Variants in FHIT observed in about 807,000 individuals in gnomAD.
FHIT encodes bis(5'-adenosyl)-triphosphatase.
In FHIT, 19 loss-of-function variants were observed where a neutral mutation model predicts 17.9. The observed-to-expected ratio is 1.06, with a 90% CI of 0.74 to 1.56. The LOEUF (loss-of-function observed/expected upper bound fraction) is 1.56, where lower values mean the gene tolerates loss of function less well. Among genes scored for constraint, FHIT ranks in the 40% most tolerant of loss-of-function variants. FHIT has a pLI of 0.00. For missense variants in FHIT, 248 were observed against 189.2 expected (o/e 1.31, Z -1.82); for synonymous variants, 81 against 69.7 (o/e 1.16, Z -0.81).
intron 2 of FHIT, among the ~76,000 whole-genome samples, chr3:61,152,908 C>A (rs2037434469): frequency 6.6e-6 from 1 of 151,998 alleles, no homozygotes; most frequent in African/African-American, 2.4e-5. Flanking sequence ...CTTTGGGAGG[C>A]TGAGATGGGA....
chr3:60,432,062 G>A (rs184822441), intron 5 of FHIT, among the ~76,000 whole-genome samples: 41 of 152,036 alleles, frequency 2.7e-4, no homozygotes, highest in East Asian at 9.7e-4. Context: ...TGCAACCTCC[G>A]CCTCCCAGAC....
rs577550436 is a variant in FHIT at position 60,054,977 on chromosome 3, T to C, written c.104-40825A>G. Among the ~76,000 whole-genome samples the C allele has an allele frequency of 2.6e-5, 4 of 152,328 alleles. No homozygotes were observed. In the East Asian group the frequency reaches 7.7e-4, roughly 29 times the overall value. On this transcript the variant is annotated intron_variant, in intron 5 of 9. Coordinates refer to ENST00000492590, the MANE Select transcript of FHIT (RefSeq NM_002012.4). ...GCTGTATACTCCAAACTCCCACTGA[T>C]CTGTGTGTGGGTTGCGTGTTTGTCT... is the stretch of plus-strand genomic sequence containing the variant.
chr3:59,811,594 A>G (rs1700407788), intron 8 of FHIT, among the ~76,000 whole-genome samples: 1 of 152,192 alleles, frequency 6.6e-6, no homozygotes, highest in Admixed American at 6.5e-5. Context: ...AAAGAAAGAA[A>G]GGAAGGAAGA....
At chr3:59,987,259 C>G (rs1466349121) in intron 7 of FHIT, among the ~76,000 whole-genome samples, 1 of 151,018 alleles carries the variant, frequency 6.6e-6, no homozygotes, top group Non-Finnish European at 1.5e-5. Context: ...AAGTTTTCAT[C>G]ATACTAGCTA....
At chr3:61,188,558 G>C (rs1370192172) in intron 2 of FHIT, among the ~76,000 whole-genome samples, 2 of 152,074 alleles carry the variant, frequency 1.3e-5, no homozygotes, top group Non-Finnish European at 1.5e-5. Context: ...TAGAAAAAGA[G>C]GGAATCCTCC....
At chr3:61,132,726 G>A (rs760575721) in intron 2 of FHIT, among the ~76,000 whole-genome samples, 10 of 152,202 alleles carry the variant, frequency 6.6e-5, no homozygotes, top group Non-Finnish European at 1.0e-4. Flanking sequence ...GGTTAAGAGT[G>A]CAGAAGATGA....
intron 5 of FHIT, among the ~76,000 whole-genome samples, chr3:60,363,471 C>CT (rs1699985151): frequency 6.6e-6 from 1 of 152,136 alleles, no homozygotes; most frequent in South Asian, 2.1e-4. Flanking sequence ...GTATTAATTG[C>CT]TTTATATGGA....
At chr3:60,394,365 C>T (rs1701351239) in intron 5 of FHIT, among the ~76,000 whole-genome samples, 1 of 152,162 alleles carries the variant, frequency 6.6e-6, no homozygotes, top group Non-Finnish European at 1.5e-5. Context: ...GCATGCCCTG[C>T]CTCTCCTTAC....
In FHIT at chr3:60,605,652, C is replaced by T. The variant is rs571396423; in HGVS notation, c.-17-68673G>A. 2.0e-5 allele frequency among the ~76,000 whole-genome samples: 3 copies of T among 152,292 alleles called. No homozygotes were observed. In the East Asian group the frequency reaches 5.8e-4, roughly 29 times the overall value. On this transcript the variant is annotated intron_variant, in intron 4 of 9. Transcript: ENST00000492590. ...CAATTAAACACAAGGTCCTTGCATC[C>T]AGGAGTTCTTCTCAATCCAGTAATG...
chr3:59,752,258 CTGCTGCCATTTCCTCCTCT>C lies in FHIT; in HGVS notation c.393_411del (p.Glu132LysfsTer41), dbSNP rs753901198. On this transcript the variant is annotated frameshift_variant, in exon 9 of 10. Transcript: ENST00000492590. LOFTEE classifies it high-confidence loss of function. ...AAGTAGACCCGCAGAGCTGCGGCTT[CTGCTGCCATTTCCTCCTCT>C]GATCTCCAAGAGGCAGGAAAGTCCT... is the stretch of plus-strand genomic sequence containing the variant. 1 of 1,613,158 alleles carries C rather than the reference CTGCTGCCATTTCCTCCTCT, an allele frequency of 6.2e-7. No homozygotes were observed.
chr3:61,153,007 G>A (rs1482550469), intron 2 of FHIT, among the ~76,000 whole-genome samples: 5 of 152,084 alleles, frequency 3.3e-5, no homozygotes, highest in Admixed American at 3.3e-4. Context: ...GCCGGGCGTG[G>A]TGACACGCAC....
At chr3:60,071,775 G>A (rs1702782383) in intron 5 of FHIT, among the ~76,000 whole-genome samples, 1 of 152,310 alleles carries the variant, frequency 6.6e-6, no homozygotes, top group South Asian at 2.1e-4. Flanking sequence ...ATTCCCGTAT[G>A]TTATGAGATG....
chr3:60,443,587 A>C (rs574624711), intron 5 of FHIT, among the ~76,000 whole-genome samples: 1 of 152,182 alleles, frequency 6.6e-6, no homozygotes, highest in African/African-American at 2.4e-5. Flanking sequence ...ATTGATTTGC[A>C]TATGTTGAAC....
intron 5 of FHIT, among the ~76,000 whole-genome samples, chr3:60,425,310 A>G (rs539506512): frequency 1.5e-4 from 23 of 152,262 alleles, no homozygotes; most frequent in African/African-American, 5.3e-4. Flanking sequence ...TACAAAGACA[A>G]AAATTAAAAA....
At chr3:60,079,079 C>G (rs1261060514) in intron 5 of FHIT, among the ~76,000 whole-genome samples, 1 of 152,048 alleles carries the variant, frequency 6.6e-6, no homozygotes, top group African/African-American at 2.4e-5. Flanking sequence ...ACAGGGTGAT[C>G]GGGGTGGACA....
chr3:60,271,765 A>AT lies in FHIT; in HGVS notation c.104-257614dup, dbSNP rs1355633504. 2.6e-5 allele frequency among the ~76,000 whole-genome samples: 4 copies of AT among 152,258 alleles called. No individual in the cohort carries two copies. The East Asian group carries it at 7.7e-4, about 29-fold the overall frequency. On this transcript the variant is annotated intron_variant, in intron 5 of 9. Transcript: ENST00000492590. The stretch of plus-strand genomic sequence containing the variant: ...TTCCATGTTATGAAGATAGTTATTC[A>AT]TTTTTGCAGACTCAACATGGCATAA...
At chr3:61,204,326 G>T (rs1359690946) in intron 1 of FHIT, among the ~76,000 whole-genome samples, 5 of 152,088 alleles carry the variant, frequency 3.3e-5, no homozygotes, top group African/African-American at 1.2e-4. Flanking sequence ...CTAGAAAGAG[G>T]TATCTGGACA....
At chr3:60,953,600 A>T (rs1271035350) in intron 3 of FHIT, among the ~76,000 whole-genome samples, 2 of 152,124 alleles carry the variant, frequency 1.3e-5, no homozygotes, top group Non-Finnish European at 2.9e-5. Flanking sequence ...TCTATCAGCT[A>T]AATTTAGCTC....
At chr3:60,528,226 C>A (rs2035646033) in intron 5 of FHIT, among the ~76,000 whole-genome samples, 1 of 152,148 alleles carries the variant, frequency 6.6e-6, no homozygotes, top group African/African-American at 2.4e-5. Flanking sequence ...CTGCTTCAGC[C>A]TCCCAAAACT....
Sources: allele counts gnomAD v4.1 joint callset (sites outside exome capture counted in the v4.1 genomes callset), GRCh38; gene constraint gnomAD v4.1.1; transcripts MANE v1.5; gene names NCBI Gene and HGNC (gene_info 2026-07-23, HGNC 2026-07-21).